GABRB3: variants seen among roughly 807,000 people sequenced by gnomAD.
The protein encoded by GABRB3 is gamma-aminobutyric acid type A receptor subunit beta3, also known as gamma-aminobutyric acid receptor subunit beta-3.
GABRB3 carries 14 observed loss-of-function variants against 52.1 expected under a neutral mutation model. The observed-to-expected ratio is 0.27, with a 90% CI of 0.18 to 0.42. GABRB3 has a LOEUF of 0.42. Among genes scored for constraint, GABRB3 ranks in the 10% least tolerant of loss-of-function variants. The pLI, the probability that GABRB3 is intolerant of heterozygous loss-of-function variation, is 1.00. For synonymous variants in GABRB3, 260 were observed against 232.3 expected, an observed-to-expected ratio of 1.12 and a Z score of -1.08; for missense variants, 307 against 609.1, an observed-to-expected ratio of 0.50 and a Z score of 5.22.
intron 3 of GABRB3, among the ~76,000 whole-genome samples, chr15:26,745,035 A>G (rs1331936853): frequency 2.0e-5 from 3 of 152,158 alleles, no homozygotes; most frequent in Non-Finnish European, 4.4e-5. Context: ...AAGTGGGAGC[A>G]GCACATCCCT....
chr15:26,649,167 A>T (rs1333815443), intron 3 of GABRB3, among the ~76,000 whole-genome samples: 1 of 152,188 alleles, frequency 6.6e-6, no homozygotes, highest in African/African-American at 2.4e-5. Context: ...TAATATGCTG[A>T]AGCCTAATCA....
At chr15:26,716,353 A>G (rs1595547791) in intron 3 of GABRB3, among the ~76,000 whole-genome samples, 1 of 152,168 alleles carries the variant, frequency 6.6e-6, no homozygotes, top group East Asian at 1.9e-4. Context: ...ATTCATATTT[A>G]TAGAGAACCA....
At chr15:26,744,468 C>T (rs1193395484) in intron 3 of GABRB3, among the ~76,000 whole-genome samples, 1 of 152,072 alleles carries the variant, frequency 6.6e-6, no homozygotes, top group Non-Finnish European at 1.5e-5. Flanking sequence ...CTCTGTTGCC[C>T]AGGCTGAGGT....
chr15:26,723,831 TG>T (rs1298434011), intron 3 of GABRB3, among the ~76,000 whole-genome samples: 1 of 152,196 alleles, frequency 6.6e-6, no homozygotes, highest in African/African-American at 2.4e-5. Context: ...TAGGCTCCAC[TG>T]TTTTTTCACA....
intron 4 of GABRB3, among the ~76,000 whole-genome samples, chr15:26,594,434 G>A (rs1031707293): frequency 2.0e-5 from 3 of 152,108 alleles, no homozygotes; most frequent in Non-Finnish European, 4.4e-5. Context: ...TTCTTGTCAA[G>A]TTTAATCAGT....
intron 5 of GABRB3, 67 bp from the exon 6 acceptor site, chr15:26,580,523 T>A: frequency 6.3e-7 from 1 of 1,596,898 alleles, no homozygotes; most frequent in Non-Finnish European, 8.6e-7. Context: ...CTAAATAAAC[T>A]ATCATTAACA....
At chr15:26,624,233 G>A in intron 3 of GABRB3, 1 of 985,634 alleles carries the variant, frequency 1.0e-6, no homozygotes, top group African/African-American at 1.7e-5. Context: ...GCGGTGCGCT[G>A]GAACTGAGGC....
Position 26,645,222 on chromosome 15 carries a change from C to T in GABRB3, c.241-23688G>A, listed in dbSNP as rs77900851. Among the ~76,000 whole-genome samples the T allele has an allele frequency of 5.6e-3, 847 of 152,220 alleles. 16 individuals are homozygous for T. The highest frequency in any genetic ancestry group is 0.019 in the African/African-American group (807 of 41,518). ...GCACGACGCACTACAGCCTGGGCGA[C>T]GGAGTGAGACCATGTCTCCCCCTCC... is the stretch of plus-strand genomic sequence containing the variant. On this transcript the variant is annotated intron_variant, in intron 3 of 8. Transcript: ENST00000311550.
intron 4 of GABRB3, among the ~76,000 whole-genome samples, chr15:26,596,993 G>A (rs1459915214): frequency 1.3e-5 from 2 of 152,152 alleles, no homozygotes; most frequent in East Asian, 1.9e-4. Context: ...GGCTGAGCAG[G>A]CTCATGTGCT....
At chr15:26,709,809 AC>A (rs1368646490) in intron 3 of GABRB3, among the ~76,000 whole-genome samples, 2 of 151,750 alleles carry the variant, frequency 1.3e-5, no homozygotes, top group Non-Finnish European at 2.9e-5. Flanking sequence ...GAGCCACCAC[AC>A]CCAGTCATAA....
rs1567097144 is a variant in GABRB3 at position 26,554,129 on chromosome 15, A to ATATATATATATATAAAG, written c.1081-5996_1081-5995insCTTTATATATATATATA. On this transcript the variant is annotated intron_variant, in intron 8 of 8. Coordinates refer to ENST00000311550, the MANE Select transcript of GABRB3 (RefSeq NM_000814.6). ...GTGTATATATATAAAGTGTGTGTGT[A>ATATATATATATATAAAG]TATATATATATAAAGTATATATATA... Among the ~76,000 whole-genome samples, 106 of 32,772 alleles carry ATATATATATATATAAAG rather than the reference A, an allele frequency of 3.2e-3. 5 individuals carry two copies. The highest frequency in any genetic ancestry group is 0.023 in the African/African-American group (102 of 4,488). The allele number at this position is 32,772 out of a possible 152,430, so 21.5% of individuals were successfully genotyped here. A position where few individuals can be genotyped will look rare whatever the true frequency, so the allele number is the denominator to read the frequency against.
At chr15:26,637,410 T>C (rs569296828) in intron 3 of GABRB3, among the ~76,000 whole-genome samples, 1 of 152,340 alleles carries the variant, frequency 6.6e-6, no homozygotes, top group South Asian at 2.1e-4. Context: ...TTATTATGTT[T>C]CTTTCCTTTT....
intron 3 of GABRB3, among the ~76,000 whole-genome samples, chr15:26,644,045 G>A (rs1893283995): frequency 6.6e-6 from 1 of 152,178 alleles, no homozygotes; most frequent in South Asian, 2.1e-4. Context: ...AGGGCAGGAG[G>A]TGAGGGAAGG....
chr15:26,642,423 G>A lies in GABRB3; in HGVS notation c.241-20889C>T, dbSNP rs1893227786. On this transcript the variant is annotated intron_variant, in intron 3 of 8. Coordinates refer to ENST00000311550, the MANE Select transcript of GABRB3 (RefSeq NM_000814.6). Reference sequence around the variant, plus strand: ...CTGAGGGGCAACTGTGTATATATATGTATACATACATTTTCAATTCCAAAC... The same window carrying A: ...CTGAGGGGCAACTGTGTATATATATATATACATACATTTTCAATTCCAAAC... The A allele has an allele frequency of 3.3e-6, 4 of 1,201,478 alleles. No individual in the cohort carries two copies. In the East Asian group the frequency reaches 1.7e-4, roughly 51 times the overall value. The allele number at this position is 1,201,478 out of a possible 1,614,324, so 74.4% of individuals were successfully genotyped here. A position where few individuals can be genotyped will look rare whatever the true frequency, so the allele number is the denominator to read the frequency against.
chr15:26,730,417 C>CAAA (rs66961147), intron 3 of GABRB3, among the ~76,000 whole-genome samples: 1 of 67,934 alleles, frequency 1.5e-5, no homozygotes, highest in Non-Finnish European at 3.0e-5. Context: ...GACTCCGTCT[C>CAAA]AAAAAAAAAA....
Position 26,545,159 on chromosome 15 carries a change from GTTTT to G in GABRB3, c.*2630_*2633del, listed in dbSNP as rs772628324. The G allele has an allele frequency of 4.6e-5, 7 of 150,972 alleles. No individual in the cohort carries two copies. The highest frequency in any genetic ancestry group is 2.1e-4 in the South Asian group (1 of 4,746). The allele number at this position is 150,972 out of a possible 1,614,324, so 9.4% of individuals were successfully genotyped here. On this transcript the variant is annotated 3_prime_UTR_variant, in exon 9 of 9. Transcript: ENST00000311550. Reference sequence around the variant, plus strand: ...AACACATACCCAAGGATCTTAAAAAGTTTTTTTTTGTTTTTACAGAATATATGTA... The same window carrying G: ...AACACATACCCAAGGATCTTAAAAAGTTTTTGTTTTTACAGAATATATGTA...
intron 6 of GABRB3, among the ~76,000 whole-genome samples, chr15:26,571,909 G>A (rs1253147472): frequency 3.9e-5 from 6 of 151,972 alleles, no homozygotes; most frequent in South Asian, 2.1e-4. Context: ...TTAGCCAGGC[G>A]TGGTGGCGGG....
rs6576583 is a variant in GABRB3, at chr15:26,580,217, G to A, written c.682+102C>T. The stretch of plus-strand genomic sequence containing the variant: ...TGTGAATGATAACAGCACTCCTTCC[G>A]ATGATCCTGTGCTGTGAGTCTATGG... On this transcript the variant is annotated intron_variant, in intron 6 of 8. Coordinates refer to ENST00000311550, the MANE Select transcript of GABRB3 (RefSeq NM_000814.6). 4.7e-3 allele frequency: 6,494 copies of A among 1,372,882 alleles called. 256 individuals are homozygous for A. The African/African-American group carries it at 0.081, about 17-fold the overall frequency. 85.0% of individuals were successfully genotyped at this position (1,372,882 alleles called of 1,614,324 possible).
intron 7 of GABRB3, among the ~76,000 whole-genome samples, chr15:26,567,131 G>A (rs1890208146): frequency 6.6e-6 from 1 of 152,082 alleles, no homozygotes; most frequent in South Asian, 2.1e-4. Context: ...AGAGCCTTTG[G>A]CAATCATTCA....
Sources: gnomAD v4.1 joint callset for allele counts (sites outside exome capture counted in the v4.1 genomes callset) on GRCh38, gnomAD v4.1.1 for gene constraint, MANE v1.5 for transcripts, NCBI Gene and HGNC (gene_info 2026-07-23, HGNC 2026-07-21) for gene names.